LIMCH1: variants seen among roughly 807,000 people sequenced by gnomAD.
LIMCH1 encodes LIM and calponin homology domains 1, also known as LIM and calponin homology domains-containing protein 1.
A neutral mutation model predicts 176.5 loss-of-function variants in LIMCH1; 113 were observed. The ratio of observed to expected loss-of-function variants is 0.64; its 90% CI spans 0.55 to 0.75. The LOEUF (loss-of-function observed/expected upper bound fraction) is 0.75. LIMCH1 is among the 30% of genes least tolerant of loss of function. The pLI is 0.00. For synonymous variants in LIMCH1, 619 were observed against 645.9 expected (o/e 0.96, Z 0.63); for missense variants, 1,674 against 1,814.9 (o/e 0.92, Z 1.41).
At chr4:41,490,281 T>C (rs1052736852) in intron 1 of LIMCH1, among the ~76,000 whole-genome samples, 2 of 151,696 alleles carry the variant, frequency 1.3e-5, no homozygotes, top group Admixed American at 6.6e-5. Flanking sequence ...CCCTTTCTTT[T>C]TTTTTTTTTT....
intron 1 of LIMCH1, among the ~76,000 whole-genome samples, chr4:41,403,176 T>C (rs528627428): frequency 6.6e-6 from 1 of 151,878 alleles, no homozygotes; most frequent in African/African-American, 2.4e-5. Flanking sequence ...AGCTATCCAA[T>C]AGACATTTTA....
chr4:41,451,659 G>A (rs750332516), intron 1 of LIMCH1, among the ~76,000 whole-genome samples: 6 of 152,160 alleles, frequency 3.9e-5, no homozygotes, highest in Non-Finnish European at 8.8e-5. Context: ...ACAGCTGAAA[G>A]CAGAAACATT....
intron 13 of LIMCH1, among the ~76,000 whole-genome samples, 173 bp from the exon 14 acceptor site, chr4:41,638,759 G>A (rs746171007): frequency 1.4e-4 from 21 of 152,124 alleles, no homozygotes; most frequent in Non-Finnish European, 2.6e-4. Context: ...ACTTGTCTTT[G>A]ATTTTTCAGC....
chr4:41,397,855 T>C (rs2057972863), intron 1 of LIMCH1, among the ~76,000 whole-genome samples: 1 of 152,132 alleles, frequency 6.6e-6, no homozygotes, highest in Admixed American at 6.5e-5. Flanking sequence ...TAGATTATTT[T>C]CTTAGATGCG....
chr4:41,690,002 CT>C (rs1724184007), intron 30 of LIMCH1, among the ~76,000 whole-genome samples: 3 of 152,158 alleles, frequency 2.0e-5, no homozygotes, highest in Admixed American at 6.6e-5. Context: ...ACTCTTATGA[CT>C]TAATGTGAAA....
intron 1 of LIMCH1, among the ~76,000 whole-genome samples, chr4:41,393,226 G>A (rs1448250658): frequency 2.6e-5 from 4 of 152,160 alleles, no homozygotes; most frequent in Admixed American, 6.5e-5. Flanking sequence ...GCTGCCTGTT[G>A]TCTCTGGCTT....
At chr4:41,379,847 G>A (rs771358517) in intron 1 of LIMCH1, among the ~76,000 whole-genome samples, 1 of 151,944 alleles carries the variant, frequency 6.6e-6, no homozygotes, top group Non-Finnish European at 1.5e-5. Context: ...TGCCCAGGCT[G>A]GGGTGCAGTG....
At chr4:41,434,109 G>C (rs10029769) in intron 1 of LIMCH1, among the ~76,000 whole-genome samples, 36,797 of 152,152 alleles carry the variant, frequency 0.24, 5,821 homozygotes, top group African/African-American at 0.44. Context: ...ACTCACCAAG[G>C]CTCTCTCAGC....
chr4:41,502,937 A>C lies in LIMCH1; in HGVS notation c.167+8331A>C, dbSNP rs542847300. Reference sequence around the variant, plus strand: ...CACACACACACACACACACACACACACCCCAGGTACAGACATAACTATATA... The same window carrying C: ...CACACACACACACACACACACACACCCCCCAGGTACAGACATAACTATATA... On this transcript the variant is annotated intron_variant, in intron 2 of 26. Transcript: ENST00000313860. Among the ~76,000 whole-genome samples, 96 of 150,888 alleles carry C rather than the reference A, an allele frequency of 6.4e-4. 1 individual carries two copies. The highest frequency in any genetic ancestry group is 1.9e-3 in the East Asian group (10 of 5,148).
chr4:41,613,622 A>G lies in LIMCH1; in HGVS notation c.166A>G (p.Thr56Ala). The G allele has an allele frequency of 6.2e-7, 1 of 1,614,080 alleles. No individual in the cohort carries two copies. Among genetic ancestry groups the G allele is most frequent in the Non-Finnish European group, 8.5e-7 (1 of 1,179,998 alleles). Residue 56 changes from threonine (T) to alanine (A), a missense_variant, in exon 5 of 32, where the codon ACG becomes GCG. Coordinates refer to ENST00000503057, the MANE Select transcript of LIMCH1 (RefSeq NM_001330672.2). ...TTCCTTTGGCTCTCGCTCTCGGCAG[A>G]CGCCTTCACCAGATGTAGTCCTCAG... Reference protein sequence around the residue: ...LDSFGSRSRQTPSPDVVLRGS... With the variant: ...LDSFGSRSRQAPSPDVVLRGS...
At chr4:41,656,686 G>C (rs112133940) in intron 18 of LIMCH1, among the ~76,000 whole-genome samples, 1 of 151,994 alleles carries the variant, frequency 6.6e-6, no homozygotes, top group Non-Finnish European at 1.5e-5. Context: ...GTCTGGCACC[G>C]CAGTGCCAGA....
intron 14 of LIMCH1, among the ~76,000 whole-genome samples, chr4:41,640,883 T>C (rs1337042810): frequency 6.6e-6 from 1 of 152,112 alleles, no homozygotes; most frequent in Admixed American, 6.5e-5. Context: ...ACAGAGAAAT[T>C]TCCACCTCCT....
rs560445946 is a variant in LIMCH1 at position 41,395,470 on chromosome 4, C to T, written c.96+34534C>T. Reference sequence around the variant, plus strand: ...GTTGACCAAGCTGGTCTCGAACTCCCGACCTCAAGTGATCCGCCCGCCTTG... The same window carrying T: ...GTTGACCAAGCTGGTCTCGAACTCCTGACCTCAAGTGATCCGCCCGCCTTG... On this transcript the variant is annotated intron_variant, in intron 1 of 26. Coordinates refer to the LIMCH1 transcript ENST00000313860. 4.9e-4 allele frequency among the ~76,000 whole-genome samples: 74 copies of T among 151,552 alleles called. 1 individual carries two copies. The highest frequency in any genetic ancestry group is 1.6e-3 in the African/African-American group (67 of 41,316).
intron 2 of LIMCH1, among the ~76,000 whole-genome samples, chr4:41,510,689 A>G (rs946885907): frequency 3.3e-5 from 5 of 152,072 alleles, no homozygotes; most frequent in African/African-American, 1.2e-4. Context: ...CCCGGGTTCA[A>G]GTGATTCTGC....
intron 1 of LIMCH1, among the ~76,000 whole-genome samples, chr4:41,490,254 T>G (rs558391094): frequency 3.9e-5 from 6 of 152,034 alleles, no homozygotes; most frequent in Non-Finnish European, 8.8e-5. Context: ...TGCTGCTATT[T>G]TTTTTTCTTT....
intron 23 of LIMCH1, among the ~76,000 whole-genome samples, chr4:41,677,364 C>T (rs1439493367): frequency 2.6e-5 from 4 of 151,996 alleles, no homozygotes. Flanking sequence ...GCCGAGATCA[C>T]GCCATTGCAC....
chr4:41,612,799 G>A (rs2091591144), intron 4 of LIMCH1: 3 of 970,202 alleles, frequency 3.1e-6, no homozygotes, highest in Non-Finnish European at 4.4e-6. Flanking sequence ...GAGCATGCCT[G>A]GATTCTTCTG....
At chr4:41,527,139 A>G (rs949794890) in intron 3 of LIMCH1, among the ~76,000 whole-genome samples, 4 of 152,242 alleles carry the variant, frequency 2.6e-5, no homozygotes, top group Non-Finnish European at 5.9e-5. Flanking sequence ...CTCCTTTGTG[A>G]AACCTTTAGT....
intron 1 of LIMCH1, among the ~76,000 whole-genome samples, chr4:41,467,803 T>C (rs1188399113): frequency 6.6e-6 from 1 of 152,226 alleles, no homozygotes; most frequent in Non-Finnish European, 1.5e-5. Context: ...CTTGCAGTTC[T>C]ACCAGAAAAC....
Sources: allele counts gnomAD v4.1 joint callset (sites outside exome capture counted in the v4.1 genomes callset), GRCh38; gene constraint gnomAD v4.1.1; transcripts MANE v1.5; gene names NCBI Gene and HGNC (gene_info 2026-07-23, HGNC 2026-07-21).